The following PLEKHO1 variants were observed in gnomAD, a reference collection of about 807,000 sequenced individuals.
The protein encoded by PLEKHO1 is pleckstrin homology domain-containing family O member 1.
In PLEKHO1, 22 loss-of-function variants were observed where a neutral mutation model predicts 41.4. The ratio of observed to expected loss-of-function variants is 0.53; its 90% CI spans 0.38 to 0.76. The LOEUF is 0.76. Ranked by LOEUF, PLEKHO1 falls within the 30% of genes least tolerant of loss-of-function variation. PLEKHO1 has a pLI of 0.00. For missense variants in PLEKHO1, 488 were observed against 518.3 expected (o/e 0.94, Z 0.57); for synonymous variants, 225 against 210.8 (o/e 1.07, Z -0.58).
Position 150,159,000 on chromosome 1 carries a change from G to C in PLEKHO1, c.707G>C (p.Arg236Pro). ...DSDRIQPSAD[R>P]ASSLSRPWEK... ...GACCGCATCCAGCCCTCCGCAGACC[G>C]GGCAAGCAGTCTCTCCCGACCTTGG... The change falls in exon 6 of 6, where the codon CGG (arginine) becomes CCG (proline). Residue 236 changes from arginine (R) to proline (P), a missense_variant. Physicochemically the swap from Arg to Pro is moderately radical, Grantham distance 103 (BLOSUM62 -2). Coordinates refer to ENST00000369124, the MANE Select transcript of PLEKHO1 (RefSeq NM_016274.6). 1 of 1,614,096 alleles carries C rather than the reference G, an allele frequency of 6.2e-7. No homozygotes were observed. Among genetic ancestry groups the C allele is most frequent in the East Asian group, 2.2e-5 (1 of 44,868 alleles).
rs782573526 is a variant in PLEKHO1, at chr1:150,159,049, C to T, written c.756C>T (p.Thr252=). 1.2e-6 allele frequency: 2 copies of T among 1,614,092 alleles called. No homozygotes were observed. Among genetic ancestry groups the T allele is most frequent in the South Asian group, 2.2e-5 (2 of 91,088 alleles). ...GGGAAAAAACAGACAAAGGGGCCAC[C>T]TACACCCCCCAGGCACCCAAGAAGT... The part of the protein sequence containing the change: ...RPWEKTDKGA[T]YTPQAPKKLT... Residue 252 remains threonine, a synonymous_variant, in exon 6 of 6, where the codon ACC becomes ACT. Coordinates refer to ENST00000369124, the MANE Select transcript of PLEKHO1 (RefSeq NM_016274.6).
chr1:150,159,061 G>A lies in PLEKHO1; in HGVS notation c.768G>A (p.Gln256=). ...ACAAAGGGGCCACCTACACCCCCCAGGCACCCAAGAAGTTGACGCCCACAG... is the reference window on the plus strand; with the variant it reads ...ACAAAGGGGCCACCTACACCCCCCAAGCACCCAAGAAGTTGACGCCCACAG... ...KTDKGATYTP[Q]APKKLTPTEK... The change falls in exon 6 of 6, where the codon CAG becomes CAA. Residue 256 remains glutamine, a synonymous_variant. Transcript: ENST00000369124. 2 of 1,614,032 alleles carry A rather than the reference G, an allele frequency of 1.2e-6. No individual in the cohort carries two copies. The highest frequency in any genetic ancestry group is 1.7e-6 in the Non-Finnish European group (2 of 1,179,964).
At chr1:150,150,736 G>C in intron 1 of PLEKHO1, 176 bp from the exon 2 acceptor site, 1 of 583,370 alleles carries the variant, frequency 1.7e-6, no homozygotes, top group East Asian at 2.9e-5. Context: ...GGAGCGGGGG[G>C]AGTTCCTCGG....
intron 4 of PLEKHO1, 103 bp from the exon 5 acceptor site, chr1:150,157,282 T>G: frequency 1.1e-6 from 1 of 894,392 alleles, no homozygotes. Context: ...CCTTGCCCAT[T>G]CAGAAGCAGT....
chr1:150,152,544 C>T (rs1211047042), intron 2 of PLEKHO1, among the ~76,000 whole-genome samples: 1 of 151,726 alleles, frequency 6.6e-6, no homozygotes, highest in Non-Finnish European at 1.5e-5. Context: ...CTCAAGTGAA[C>T]CACCCGCCTC....
intron 5 of PLEKHO1, 113 bp downstream of exon 5, chr1:150,157,599 C>T (rs1660227873): frequency 5.8e-6 from 4 of 694,630 alleles, no homozygotes; most frequent in Admixed American, 5.3e-5. Flanking sequence ...ATGCCAAGAT[C>T]AAAGGCGAGG....
In PLEKHO1 at chr1:150,156,975, A is replaced by G; in HGVS notation, c.383A>G (p.Asn128Ser). ...AAGGAATCGTGGATCAATGCCCTCA[A>G]CTCTGCCATCACCCGAGCCAAGAAC... is the stretch of plus-strand genomic sequence containing the variant. Reference protein sequence around the residue: ...EEKESWINALNSAITRAKNRI... With the variant: ...EEKESWINALSSAITRAKNRI... The change falls in exon 4 of 6, where the codon AAC becomes AGC. Residue 128 changes from asparagine (N) to serine (S), a missense_variant. Asn to Ser is a conservative substitution (Grantham distance 46). This residue lies in a region of PLEKHO1 where 59 missense variants were observed against 111.5 expected (regional missense o/e 0.53). Transcript: ENST00000369124. 1 of 1,613,502 alleles carries G rather than the reference A, an allele frequency of 6.2e-7. No individual in the cohort carries two copies. The highest frequency in any genetic ancestry group is 2.2e-5 in the East Asian group (1 of 44,880).
chr1:150,150,311 G>GGCC (rs782372237), intron 1 of PLEKHO1, 24 bp downstream of exon 1: 12 of 1,061,516 alleles, frequency 1.1e-5, no homozygotes, highest in East Asian at 7.9e-5. Flanking sequence ...CCCGCCCTGC[G>GGCC]GCCGCCGCCG....
chr1:150,159,262 G>C lies in PLEKHO1; in HGVS notation c.969G>C (p.Leu323=), dbSNP rs1426104435. Residue 323 remains leucine, a synonymous_variant, in exon 6 of 6, where the codon CTG becomes CTC. Transcript: ENST00000369124. Reference sequence around the variant, plus strand: ...AACTGGAGGAGACTCAGGAGCTTCTGGCAGAGGTTCAGGGACTGGGAGATG... The same window carrying C: ...AACTGGAGGAGACTCAGGAGCTTCTCGCAGAGGTTCAGGGACTGGGAGATG... ...ARKLEETQEL[L]AEVQGLGDGK... 2 of 1,614,054 alleles carry C rather than the reference G, an allele frequency of 1.2e-6. No individual in the cohort carries two copies. Among genetic ancestry groups the C allele is most frequent in the Non-Finnish European group, 1.7e-6 (2 of 1,180,022 alleles).
intron 2 of PLEKHO1, chr1:150,154,234 G>A (rs1553819832): frequency 6.6e-6 from 1 of 152,352 alleles, no homozygotes; most frequent in Admixed American, 6.5e-5. Flanking sequence ...GAGAAGGAGG[G>A]GGAGAGGAGG....
chr1:150,159,777 A>G lies in PLEKHO1; in HGVS notation c.*254A>G. On this transcript the variant is annotated 3_prime_UTR_variant, in exon 6 of 6. Transcript: ENST00000369124. The stretch of plus-strand genomic sequence containing the variant: ...TTACCCAGCCAGAGAGAGAGAAGGC[A>G]CGGTAAAGACACAGTCTGACCACTC... The G allele has an allele frequency of 2.4e-6, 1 of 419,560 alleles. No homozygotes were observed. The highest frequency in any genetic ancestry group is 4.3e-6 in the Non-Finnish European group (1 of 231,000). The allele number at this position is 419,560 out of a possible 1,614,324, so 26.0% of individuals were successfully genotyped here.
intron 2 of PLEKHO1, chr1:150,155,568 A>G (rs1660131700): frequency 6.5e-6 from 1 of 153,146 alleles, no homozygotes; most frequent in African/African-American, 2.4e-5. Flanking sequence ...GCTATACTGC[A>G]CACATGTGAG....
At chr1:150,150,728 A>G (rs1659871702) in intron 1 of PLEKHO1, 184 bp from the exon 2 acceptor site, 2 of 567,246 alleles carry the variant, frequency 3.5e-6, no homozygotes, top group East Asian at 6.1e-5. Context: ...GGGGGAGGGG[A>G]GCGGGGGGAG....
rs1660354138 is a variant in PLEKHO1, at chr1:150,159,668, CT to C, written c.*147del. ...GCTGATGCCTGACCCCACTACAACC[CT>C]TATTGCCCCACCTACTTTCCATATG... On this transcript the variant is annotated 3_prime_UTR_variant, in exon 6 of 6. Transcript: ENST00000369124. 1.7e-6 allele frequency: 1 copy of C among 594,266 alleles called. No homozygotes were observed. Among genetic ancestry groups the C allele is most frequent in the Admixed American group, 3.0e-5 (1 of 33,162 alleles). 36.8% of individuals were successfully genotyped at this position (594,266 alleles called of 1,614,324 possible). A position where few individuals can be genotyped will look rare whatever the true frequency, so the allele number is the denominator to read the frequency against.
At chr1:150,157,977 T>A (rs1660246774) in intron 5 of PLEKHO1, among the ~76,000 whole-genome samples, 1 of 152,202 alleles carries the variant, frequency 6.6e-6, no homozygotes, top group African/African-American at 2.4e-5. Context: ...GCTACCTGTG[T>A]GGTTCCCTGA....
rs781912177 is a variant in PLEKHO1 at position 150,159,257 on chromosome 1, C to T, written c.964C>T (p.Leu322Phe). 2.5e-5 allele frequency: 41 copies of T among 1,614,140 alleles called. No individual in the cohort carries two copies. Among genetic ancestry groups the T allele is most frequent in the Non-Finnish European group, 3.3e-5 (39 of 1,180,008 alleles). Residue 322 changes from leucine (L) to phenylalanine (F), a missense_variant, in exon 6 of 6, where the codon CTT becomes TTT. Around this residue, in one of 3 missense-constraint regions of PLEKHO1, gnomAD observed 337 missense variants for 324.6 expected, o/e 1.04. Coordinates refer to ENST00000369124, the MANE Select transcript of PLEKHO1 (RefSeq NM_016274.6). ...VARKLEETQE[L>F]LAEVQGLGDG... ...AAGGAAACTGGAGGAGACTCAGGAG[C>T]TTCTGGCAGAGGTTCAGGGACTGGG...
rs1553821374 is a variant in PLEKHO1, at chr1:150,159,134, G to A, written c.841G>A (p.Ala281Thr). The change falls in exon 6 of 6, where the codon GCT becomes ACT. Residue 281 changes from alanine (A) to threonine (T), a missense_variant. By Grantham distance (58) the Ala-to-Thr change is moderately conservative (BLOSUM62 0). Coordinates refer to ENST00000369124, the MANE Select transcript of PLEKHO1 (RefSeq NM_016274.6). ...GGAGGAGATCCTATCTCAGCGGGATGCTGCCTCTGCCCGCACCCTCCAGCT... is the reference window on the plus strand; with the variant it reads ...GGAGGAGATCCTATCTCAGCGGGATACTGCCTCTGCCCGCACCCTCCAGCT... Reference protein sequence around the residue: ...SLEEILSQRDAASARTLQLRA... With the variant: ...SLEEILSQRDTASARTLQLRA... 6.2e-7 allele frequency: 1 copy of A among 1,612,280 alleles called. No individual in the cohort carries two copies. The highest frequency in any genetic ancestry group is 1.7e-5 in the Admixed American group (1 of 59,578).
At position 150,149,928 on chromosome 1, in the gene PLEKHO1, GC is replaced by G. The variant is rs1457358112; in HGVS notation, c.-328del. On this transcript the variant is annotated 5_prime_UTR_variant, in exon 1 of 6. Coordinates refer to ENST00000369124, the MANE Select transcript of PLEKHO1 (RefSeq NM_016274.6). The stretch of plus-strand genomic sequence containing the variant: ...GACTGGGCCGCCCACAGCGCACCGG[GC>G]CGGGGGAGCGGCCGCGCTGGGCCGG... 1 of 151,122 alleles carries G rather than the reference GC, an allele frequency of 6.6e-6. No homozygotes were observed. The highest frequency in any genetic ancestry group is 2.4e-5 in the African/African-American group (1 of 41,214). 9.4% of individuals were successfully genotyped at this position (151,122 alleles called of 1,614,324 possible). A position where few individuals can be genotyped will look rare whatever the true frequency, so the allele number is the denominator to read the frequency against.
intron 2 of PLEKHO1, among the ~76,000 whole-genome samples, chr1:150,151,329 G>T (rs1177091863): frequency 6.6e-6 from 1 of 152,172 alleles, no homozygotes; most frequent in Non-Finnish European, 1.5e-5. Flanking sequence ...TGCCCCAGAA[G>T]TTCTAAGTGT....
Sources: gnomAD v4.1 joint callset for allele counts (sites outside exome capture counted in the v4.1 genomes callset) on GRCh38, gnomAD v4.1.1 for gene constraint, gnomAD v4.1.1 regional missense constraint, MANE v1.5 for transcripts, NCBI Gene and HGNC (gene_info 2026-07-23, HGNC 2026-07-21) for gene names.